Variants in RMST observed in about 807,000 individuals in gnomAD.
RMST encodes long intergenic non-protein coding RNA 54.
chr12:97,473,677 A>G (rs1874196806), intron 5 of RMST, among the ~76,000 whole-genome samples: 1 of 152,160 alleles, frequency 6.6e-6, no homozygotes, highest in Admixed American at 6.6e-5. Flanking sequence ...AGATAAAAAC[A>G]CTATTCCAAA....
chr12:97,464,742 T>G (rs1421828941), intron 4 of RMST: 3 of 152,224 alleles, frequency 2.0e-5, no homozygotes, highest in Admixed American at 2.0e-4. Context: ...TCCGTGGTTT[T>G]GGGGACTTAG....
At chr12:97,495,179 G>C (rs532467566) in intron 9 of RMST, among the ~76,000 whole-genome samples, 12 of 120,248 alleles carry the variant, frequency 1.0e-4, no homozygotes, top group South Asian at 2.6e-4. Flanking sequence ...ATTCTTATGG[G>C]GGGGGAGCCG....
At chr12:97,472,637 G>T (rs1199389290) in intron 5 of RMST, among the ~76,000 whole-genome samples, 1 of 151,970 alleles carries the variant, frequency 6.6e-6, no homozygotes, top group Admixed American at 6.6e-5. Context: ...TTTATCTTTT[G>T]GTTGGGTAAC....
intron 11 of RMST, among the ~76,000 whole-genome samples, chr12:97,541,992 A>T (rs1022628674): frequency 3.3e-5 from 5 of 151,974 alleles, no homozygotes; most frequent in Admixed American, 3.3e-4. Flanking sequence ...GATATCATTA[A>T]CAGATAAATT....
chr12:97,518,852 T>C (rs1272749981), intron 10 of RMST, among the ~76,000 whole-genome samples: 1 of 152,078 alleles, frequency 6.6e-6, no homozygotes, highest in Non-Finnish European at 1.5e-5. Context: ...GCTCACTGCA[T>C]TCTCAAACTC....
chr12:97,551,596 A>C (rs543357497), intron 11 of RMST, among the ~76,000 whole-genome samples: 1 of 152,312 alleles, frequency 6.6e-6, no homozygotes, highest in African/African-American at 2.4e-5. Flanking sequence ...CGAGAAGTGT[A>C]CGTTAATTTC....
intron 11 of RMST, among the ~76,000 whole-genome samples, chr12:97,548,398 A>C (rs1883088893): frequency 1.3e-5 from 2 of 152,186 alleles, no homozygotes; most frequent in African/African-American, 4.8e-5. Flanking sequence ...TTCCATACAA[A>C]TTTTAGGATT....
At chr12:97,529,240 G>T (rs187619851) in intron 10 of RMST, among the ~76,000 whole-genome samples, 51 of 152,020 alleles carry the variant, frequency 3.4e-4, no homozygotes, top group African/African-American at 1.2e-3. Flanking sequence ...TTATATCTTA[G>T]GTTGCATCTA....
chr12:97,536,410 T>C (rs1882083104), intron 11 of RMST, among the ~76,000 whole-genome samples: 2 of 151,490 alleles, frequency 1.3e-5, no homozygotes, highest in Admixed American at 1.3e-4. Flanking sequence ...GTTCCAAAAA[T>C]TTGGGATTGA....
chr12:97,562,977 T>C (rs1884238050), intron 13 of RMST, among the ~76,000 whole-genome samples: 2 of 152,230 alleles, frequency 1.3e-5, no homozygotes, highest in South Asian at 2.1e-4. Flanking sequence ...AGTTGGTAGA[T>C]AGGCACCTCA....
At chr12:97,478,388 G>T (rs938553991) in intron 5 of RMST, among the ~76,000 whole-genome samples, 1 of 152,200 alleles carries the variant, frequency 6.6e-6, no homozygotes, top group Non-Finnish European at 1.5e-5. Context: ...AATTCTGGTA[G>T]AGGAAACCAT....
Position 97,499,657 on chromosome 12 carries a change from C to CTTT in RMST, n.1340+3615_1340+3617dup, listed in dbSNP as rs540776298. 2.6e-3 allele frequency among the ~76,000 whole-genome samples: 349 copies of CTTT among 131,888 alleles called. 5 individuals are homozygous for CTTT. The highest frequency in any genetic ancestry group is 9.4e-3 in the African/African-American group (318 of 33,824). The allele number at this position is 131,888 out of a possible 152,430, so 86.5% of individuals were successfully genotyped here. On this transcript the variant is annotated intron_variant and non_coding_transcript_variant, in intron 10 of 13. Transcript: ENST00000640149. ...TTCTTTTTCTTTTTCTTTTTTCTTT[C>CTTT]TTTTTTTTTTTTTTTTGAGACAGAG...
intron 11 of RMST, among the ~76,000 whole-genome samples, chr12:97,553,834 T>G (rs997617561): frequency 2.0e-5 from 3 of 151,084 alleles, no homozygotes; most frequent in Non-Finnish European, 4.4e-5. Flanking sequence ...AATATTTAAT[T>G]GAAAAAAAAA....
rs77940855 is a variant in RMST at position 97,471,519 on chromosome 12, G to A, written n.644+5792G>A. On this transcript the variant is annotated intron_variant and non_coding_transcript_variant, in intron 5 of 13. Transcript: ENST00000640149. ...TGTAGTAGTAGTAGCTGAACAGCCC[G>A]TGAGAGTTCCAGAAATGAACTGTGC... 6.4e-3 allele frequency among the ~76,000 whole-genome samples: 969 copies of A among 152,236 alleles called. 11 individuals are homozygous for A. Among genetic ancestry groups the A allele is most frequent in the African/African-American group, 0.022 (894 of 41,544 alleles).
At chr12:97,466,774 C>A (rs1014099880) in intron 5 of RMST, among the ~76,000 whole-genome samples, 7 of 152,020 alleles carry the variant, frequency 4.6e-5, no homozygotes, top group African/African-American at 1.7e-4. Flanking sequence ...ATAATGTTGG[C>A]TGGTAATTGT....
At chr12:97,548,075 T>C (rs1298227295) in intron 11 of RMST, among the ~76,000 whole-genome samples, 2 of 152,098 alleles carry the variant, frequency 1.3e-5, no homozygotes, top group Non-Finnish European at 2.9e-5. Flanking sequence ...TTTTTGTATA[T>C]AGTTTGAAAT....
At chr12:97,501,281 T>A (rs1217933242) in intron 10 of RMST, among the ~76,000 whole-genome samples, 1 of 152,226 alleles carries the variant, frequency 6.6e-6, no homozygotes, top group Non-Finnish European at 1.5e-5. Flanking sequence ...TTGCCCCTAC[T>A]TTTTGTGCTT....
chr12:97,474,624 C>CAAA (rs34888626), intron 5 of RMST, among the ~76,000 whole-genome samples: 622 of 55,554 alleles, frequency 0.011, 6 homozygotes, highest in East Asian at 0.032. Flanking sequence ...AAAAAGAAGC[C>CAAA]AAAAAAAAAA....
chr12:97,489,743 T>C (rs1398082447), intron 5 of RMST, among the ~76,000 whole-genome samples: 2 of 152,224 alleles, frequency 1.3e-5, no homozygotes, highest in African/African-American at 2.4e-5. Context: ...AAGGCTAGTC[T>C]ATATAAACTA....
Sources: gnomAD v4.1 joint callset for allele counts (sites outside exome capture counted in the v4.1 genomes callset) on GRCh38, gnomAD v4.1.1 for gene constraint, MANE v1.5 for transcripts, NCBI Gene and HGNC (gene_info 2026-07-23, HGNC 2026-07-21) for gene names.